Variants in RIMS1 observed in about 807,000 individuals in gnomAD.
The protein encoded by RIMS1 is regulating synaptic membrane exocytosis protein 1.
In RIMS1, 83 loss-of-function variants were observed where a neutral mutation model predicts 214.1. The ratio of observed to expected loss-of-function variants is 0.39; its 90% CI spans 0.32 to 0.47. The LOEUF is 0.47. RIMS1 is among the 20% of genes least tolerant of loss of function. The pLI is 0.99. For synonymous variants in RIMS1, 793 were observed against 786.8 expected (o/e 1.01, Z -0.13); for missense variants, 2,050 against 2,161.8 (o/e 0.95, Z 1.03).
At chr6:71,963,571 A>G (rs937134058) in intron 1 of RIMS1, among the ~76,000 whole-genome samples, 2 of 152,172 alleles carry the variant, frequency 1.3e-5, no homozygotes, top group Admixed American at 1.3e-4. Flanking sequence ...ATCAGATGTT[A>G]AATAGTATTT....
rs562538492 is a variant in RIMS1, at chr6:72,342,408, C to T, written c.4366+8573C>T. On this transcript the variant is annotated intron_variant, in intron 29 of 33. Coordinates refer to ENST00000521978, the MANE Select transcript of RIMS1 (RefSeq NM_014989.7). The stretch of plus-strand genomic sequence containing the variant: ...AGGTCTACAATGGGTTAGAGTGAGG[C>T]TGCCTTCACCATCCCTAAAATCTGT... Among the ~76,000 whole-genome samples, 4 of 151,894 alleles carry T rather than the reference C, an allele frequency of 2.6e-5. No individual in the cohort carries two copies. The South Asian group carries it at 6.2e-4, about 24-fold the overall frequency.
chr6:72,109,318 C>T (rs187771076), intron 4 of RIMS1, among the ~76,000 whole-genome samples: 18 of 151,552 alleles, frequency 1.2e-4, no homozygotes, highest in Non-Finnish European at 1.8e-4. Context: ...GTCCCACCAA[C>T]GGTGTAAAAG....
At chr6:72,030,830 G>A (rs1310388481) in intron 2 of RIMS1, among the ~76,000 whole-genome samples, 1 of 152,082 alleles carries the variant, frequency 6.6e-6, no homozygotes, top group African/African-American at 2.4e-5. Flanking sequence ...CACCAAAATA[G>A]ATCACAGATC....
At chr6:71,887,294 G>T in intron 1 of RIMS1, 107 bp downstream of exon 1, 2 of 1,441,702 alleles carry the variant, frequency 1.4e-6, no homozygotes, top group Non-Finnish European at 1.9e-6. Context: ...GGCTGCCAGG[G>T]TGCTGGGTGC....
intron 4 of RIMS1, among the ~76,000 whole-genome samples, chr6:72,124,185 C>T (rs1047001432): frequency 6.6e-6 from 1 of 151,862 alleles, no homozygotes; most frequent in Non-Finnish European, 1.5e-5. Flanking sequence ...CAAAATCTCT[C>T]AGCATTTGCT....
chr6:72,375,671 C>A (rs959762391), intron 29 of RIMS1, among the ~76,000 whole-genome samples: 1 of 152,160 alleles, frequency 6.6e-6, no homozygotes, highest in African/African-American at 2.4e-5. Context: ...ATGACAGAAT[C>A]TCCTAGAGTT....
intron 4 of RIMS1, among the ~76,000 whole-genome samples, chr6:72,103,888 C>T (rs2034192057): frequency 6.6e-6 from 1 of 152,018 alleles, no homozygotes; most frequent in South Asian, 2.1e-4. Flanking sequence ...TTTTTTTAGC[C>T]AAAATTATCA....
chr6:72,388,561 T>A (rs907874674), intron 29 of RIMS1, among the ~76,000 whole-genome samples: 1 of 152,218 alleles, frequency 6.6e-6, no homozygotes, highest in Non-Finnish European at 1.5e-5. Context: ...TCAAGAATAT[T>A]CTGAGGAGGA....
intron 22 of RIMS1, among the ~76,000 whole-genome samples, chr6:72,272,174 T>C (rs75103247): frequency 0.017 from 2,585 of 152,126 alleles, 28 homozygotes; most frequent in African/African-American, 0.022. Context: ...AAAATGAAAA[T>C]AGAAATGAAA....
At chr6:72,095,310 C>T (rs1045800196) in intron 2 of RIMS1, among the ~76,000 whole-genome samples, 1 of 151,878 alleles carries the variant, frequency 6.6e-6, no homozygotes, top group African/African-American at 2.4e-5. Context: ...ATTGCCGGTG[C>T]CATTTTGCAT....
intron 6 of RIMS1, 59 bp downstream of exon 6, chr6:72,183,208 G>A (rs2048591922): frequency 7.2e-6 from 11 of 1,534,368 alleles, no homozygotes; most frequent in South Asian, 6.0e-5. Context: ...CGTGGGCAGA[G>A]GTGCAGGTGC....
At chr6:72,333,505 T>G (rs2096740409) in intron 28 of RIMS1, 95 bp from the exon 29 acceptor site, 2 of 1,010,062 alleles carry the variant, frequency 2.0e-6, no homozygotes, top group African/African-American at 1.6e-5. Flanking sequence ...CCTAAAAATG[T>G]GTCTGGATTA....
At chr6:72,322,641 G>A (rs2096235229) in intron 28 of RIMS1, among the ~76,000 whole-genome samples, 1 of 152,030 alleles carries the variant, frequency 6.6e-6, no homozygotes, top group Non-Finnish European at 1.5e-5. Flanking sequence ...GCCTTTGAGA[G>A]CAACAAAGCA....
chr6:72,138,549 T>A (rs961853096), intron 4 of RIMS1, among the ~76,000 whole-genome samples: 9 of 152,146 alleles, frequency 5.9e-5, no homozygotes, highest in Non-Finnish European at 1.0e-4. Context: ...AGGAGAAAGC[T>A]GAGAAGGCAT....
Position 71,988,042 on chromosome 6 carries a change from G to A in RIMS1, c.245+18979G>A, listed in dbSNP as rs550773492. Among the ~76,000 whole-genome samples the A allele has an allele frequency of 5.9e-5, 9 of 152,168 alleles. No homozygotes were observed. In the South Asian group the frequency reaches 1.9e-3, roughly 32 times the overall value. ...GGAAAAGAACACCATGCTCAAATAT[G>A]TGTGGGTCAGCAGACTGCTGGAGTT... is the stretch of plus-strand genomic sequence containing the variant. On this transcript the variant is annotated intron_variant, in intron 2 of 33. Coordinates refer to ENST00000521978, the MANE Select transcript of RIMS1 (RefSeq NM_014989.7).
At chr6:72,159,274 A>G (rs1462807015) in intron 4 of RIMS1, among the ~76,000 whole-genome samples, 2 of 139,902 alleles carry the variant, frequency 1.4e-5, no homozygotes, top group African/African-American at 4.9e-5. Context: ...ATTTGAGTTC[A>G]CTGTAGATTC....
intron 23 of RIMS1, among the ~76,000 whole-genome samples, chr6:72,277,076 C>T (rs958396415): frequency 2.0e-5 from 3 of 152,138 alleles, no homozygotes; most frequent in South Asian, 2.1e-4. Context: ...TAATGCAGAA[C>T]GTAAATTATT....
chr6:72,135,474 CA>C (rs765201826), intron 4 of RIMS1, among the ~76,000 whole-genome samples: 9 of 152,136 alleles, frequency 5.9e-5, no homozygotes, highest in African/African-American at 9.7e-5. Context: ...AACTCTCTAA[CA>C]CTTGAAAACT....
At chr6:71,931,355 A>G (rs894290891) in intron 1 of RIMS1, among the ~76,000 whole-genome samples, 3 of 152,072 alleles carry the variant, frequency 2.0e-5, no homozygotes, top group South Asian at 4.1e-4. Flanking sequence ...TTCAGTGAGT[A>G]AGCTCTACCA....
Sources: allele counts gnomAD v4.1 joint callset (sites outside exome capture counted in the v4.1 genomes callset), GRCh38; gene constraint gnomAD v4.1.1; transcripts MANE v1.5; gene names NCBI Gene and HGNC (gene_info 2026-07-23, HGNC 2026-07-21).